The following LRP1B variants were observed in gnomAD, a reference collection of about 807,000 sequenced individuals.
LRP1B encodes LDL receptor related protein 1B.
LRP1B carries 217 observed loss-of-function variants against 556.6 expected under a neutral mutation model. That is an observed-to-expected ratio of 0.39 (90% CI 0.35 to 0.44). The LOEUF is 0.44. Among genes scored for constraint, LRP1B ranks in the 20% least tolerant of loss-of-function variants. The pLI is 1.00. For synonymous variants in LRP1B, 2,047 were observed against 1,865.8 expected (o/e 1.10, Z -2.50); for missense variants, 5,053 against 5,620.8 (o/e 0.90, Z 3.23).
intron 41 of LRP1B, among the ~76,000 whole-genome samples, chr2:140,632,466 T>C (rs1437155518): frequency 6.6e-6 from 1 of 152,044 alleles, no homozygotes; most frequent in Non-Finnish European, 1.5e-5. Context: ...TAAATGTTTA[T>C]TGCAAACCAT....
At chr2:140,532,410 G>A (rs1268091529) in intron 47 of LRP1B, among the ~76,000 whole-genome samples, 2 of 151,402 alleles carry the variant, frequency 1.3e-5, no homozygotes, top group South Asian at 2.1e-4. Context: ...TTTTTGGGGG[G>A]TGGGGGGTAT....
intron 18 of LRP1B, among the ~76,000 whole-genome samples, chr2:140,964,363 C>T (rs1423070689): frequency 6.6e-6 from 1 of 152,120 alleles, no homozygotes; most frequent in Non-Finnish European, 1.5e-5. Context: ...AGGCCCTCCA[C>T]AAGAGGTGGA....
chr2:142,129,342 C>T (rs1448668415), intron 1 of LRP1B, among the ~76,000 whole-genome samples: 1 of 152,172 alleles, frequency 6.6e-6, no homozygotes, highest in African/African-American at 2.4e-5. Flanking sequence ...CCTAAAGGAA[C>T]TCAGATTAGT....
Position 140,716,753 on chromosome 2 carries a change from T to C in LRP1B, c.5822A>G (p.Gln1941Arg). 6.2e-7 allele frequency: 1 copy of C among 1,610,662 alleles called. No individual in the cohort carries two copies. The highest frequency in any genetic ancestry group is 1.1e-5 in the South Asian group (1 of 90,978). Residue 1941 changes from glutamine (Q) to arginine (R), a missense_variant, in exon 36 of 91, where the codon CAG becomes CGG. Physicochemically the swap from Gln to Arg is conservative, Grantham distance 43. This residue lies in a region of LRP1B where 3,619 missense variants were observed against 3,931.9 expected (regional missense o/e 0.92). Coordinates refer to ENST00000389484, the MANE Select transcript of LRP1B (RefSeq NM_018557.3). ...FNKISRAKRD[Q>R]TWKEDIITNG... ...GGTAATGATATCTTCTTTCCAAGTC[T>C]GATCTCTTTTAGCTCTGCTAATTTT...
intron 36 of LRP1B, 100 bp downstream of exon 36, chr2:140,716,582 T>C: frequency 8.2e-7 from 1 of 1,217,250 alleles, no homozygotes; most frequent in South Asian, 1.7e-5. Context: ...GAAGTACAAA[T>C]AAAAGCACTG....
Position 141,846,946 on chromosome 2 carries a change from C to T in LRP1B, c.83-36545G>A, listed in dbSNP as rs1432937765. ...GAATAAGACAAAGATGATTGATGAA[C>T]ATCAATGTTCCTATGCTACTCAAGA... On this transcript the variant is annotated intron_variant, in intron 1 of 90. Coordinates refer to ENST00000389484, the MANE Select transcript of LRP1B (RefSeq NM_018557.3). Among the ~76,000 whole-genome samples, 4 of 151,396 alleles carry T rather than the reference C, an allele frequency of 2.6e-5. No individual in the cohort carries two copies. The South Asian group carries it at 6.2e-4, about 24-fold the overall frequency.
chr2:140,832,636 G>A (rs1691755661), intron 31 of LRP1B, among the ~76,000 whole-genome samples: 1 of 152,100 alleles, frequency 6.6e-6, no homozygotes, highest in Non-Finnish European at 1.5e-5. Flanking sequence ...AAATTGGCGA[G>A]GCACAGAAGG....
intron 83 of LRP1B, among the ~76,000 whole-genome samples, chr2:140,312,089 C>T (rs1409305668): frequency 2.0e-5 from 3 of 151,886 alleles, no homozygotes; most frequent in Non-Finnish European, 4.4e-5. Context: ...CCTTCACTGC[C>T]AAAGTCCTCA....
chr2:140,897,992 C>T (rs1694000098), intron 23 of LRP1B, among the ~76,000 whole-genome samples: 1 of 152,034 alleles, frequency 6.6e-6, no homozygotes, highest in African/African-American at 2.4e-5. Flanking sequence ...TTTTAGAGAA[C>T]CCTGATGAAG....
intron 1 of LRP1B, among the ~76,000 whole-genome samples, chr2:142,114,225 G>A (rs1433094501): frequency 6.6e-6 from 1 of 152,090 alleles, no homozygotes; most frequent in Non-Finnish European, 1.5e-5. Flanking sequence ...TCAATATGCA[G>A]TAGTCTGTTT....
In LRP1B at chr2:141,005,418, G is replaced by GTAC; in HGVS notation, c.2417_2419dup (p.Ser806dup). The GTAC allele has an allele frequency of 6.2e-7, 1 of 1,611,584 alleles. No individual in the cohort carries two copies. The highest frequency in any genetic ancestry group is 8.5e-7 in the Non-Finnish European group (1 of 1,178,386). ...GCCTCCTGGGATAGCCAAGCAAAGT[G>GTAC]TACTACAGCCCCCATTATTTACTCG... is the stretch of plus-strand genomic sequence containing the variant. On this transcript the variant is annotated inframe_insertion, in exon 15 of 91. Coordinates refer to ENST00000389484, the MANE Select transcript of LRP1B (RefSeq NM_018557.3).
intron 3 of LRP1B, among the ~76,000 whole-genome samples, chr2:141,257,968 A>G (rs1684542063): frequency 6.6e-6 from 1 of 152,236 alleles, no homozygotes; most frequent in Admixed American, 6.5e-5. Flanking sequence ...TTTGAGTACA[A>G]CAAAAAATTT....
chr2:141,823,303 C>T (rs1271691203), intron 1 of LRP1B, among the ~76,000 whole-genome samples: 1 of 152,114 alleles, frequency 6.6e-6, no homozygotes, highest in Non-Finnish European at 1.5e-5. Flanking sequence ...CACTTCAGGT[C>T]TGGGGCAGCC....
At chr2:142,006,963 A>G (rs1260497713) in intron 1 of LRP1B, among the ~76,000 whole-genome samples, 1 of 152,064 alleles carries the variant, frequency 6.6e-6, no homozygotes, top group East Asian at 1.9e-4. Flanking sequence ...AAGTTTAAGA[A>G]TTAGAAGACC....
At chr2:141,458,557 T>C (rs1276815473) in intron 3 of LRP1B, among the ~76,000 whole-genome samples, 2 of 152,130 alleles carry the variant, frequency 1.3e-5, no homozygotes, top group Admixed American at 6.6e-5. Flanking sequence ...AAAGCAAATA[T>C]GATTTATTTT....
At chr2:140,825,413 C>T (rs926585482) in intron 31 of LRP1B, among the ~76,000 whole-genome samples, 7 of 151,864 alleles carry the variant, frequency 4.6e-5, no homozygotes, top group Non-Finnish European at 1.0e-4. Flanking sequence ...GTAACTGGCA[C>T]ATTATAGGAA....
At chr2:141,363,793 T>G (rs1283717915) in intron 3 of LRP1B, among the ~76,000 whole-genome samples, 1 of 152,196 alleles carries the variant, frequency 6.6e-6, no homozygotes, top group Non-Finnish European at 1.5e-5. Flanking sequence ...TTTGTTAAAA[T>G]GTATAGTTAT....
At chr2:140,887,922 G>T (rs549972166) in intron 23 of LRP1B, among the ~76,000 whole-genome samples, 1 of 152,088 alleles carries the variant, frequency 6.6e-6, no homozygotes, top group Non-Finnish European at 1.5e-5. Context: ...TTGCAAATGG[G>T]CATGGGGTTT....
intron 14 of LRP1B, among the ~76,000 whole-genome samples, chr2:141,010,180 G>A (rs1292137722): frequency 6.6e-6 from 1 of 151,914 alleles, no homozygotes; most frequent in Non-Finnish European, 1.5e-5. Context: ...ACTTAGTTTT[G>A]ATTATCTCAT....
Sources: allele counts gnomAD v4.1 joint callset (sites outside exome capture counted in the v4.1 genomes callset), GRCh38; gene constraint gnomAD v4.1.1; regional missense constraint gnomAD v4.1.1; transcripts MANE v1.5; gene names NCBI Gene and HGNC (gene_info 2026-07-23, HGNC 2026-07-21).